Variants in C11orf65 observed in about 807,000 individuals in gnomAD.
The protein encoded by C11orf65 is protein MFI.
C11orf65 carries 38 observed loss-of-function variants against 35.3 expected under a neutral mutation model. The ratio of observed to expected loss-of-function variants is 1.08; its 90% CI spans 0.83 to 1.41. C11orf65 has a LOEUF of 1.41. C11orf65 is among the 40% of genes most tolerant of loss of function. C11orf65 has a pLI of 0.00. For synonymous variants in C11orf65, 105 were observed against 114.4 expected, an observed-to-expected ratio of 0.92 and a Z score of 0.53; for missense variants, 370 against 367.1, an observed-to-expected ratio of 1.01 and a Z score of -0.06.
rs2091354575 is a variant in C11orf65, at chr11:108,366,768, T to G, written c.226+26440A>C. 1.3e-5 allele frequency: 3 copies of G among 230,698 alleles called. No homozygotes were observed. In the South Asian group the frequency reaches 5.4e-4, roughly 42 times the overall value. 14.3% of individuals were successfully genotyped at this position (230,698 alleles called of 1,614,324 possible). ...TGTGCTAGTGGGCAGAATATTTGAT[T>G]GATGCCTTTTTCACTGAGAGTATAA... On this transcript the variant is annotated intron_variant, in intron 2 of 3. Transcript: ENST00000524755.
At chr11:108,379,905 T>C (rs1333330953), downstream of C11orf65, among the ~76,000 whole-genome samples, 1 of 152,148 alleles carries the variant, frequency 6.6e-6, no homozygotes, top group Non-Finnish European at 1.5e-5. Flanking sequence ...ATTTGACAGA[T>C]TTCATGGGGG....
rs10588668 is a variant in C11orf65 at position 108,430,897 on chromosome 11, A to AAC, written c.174+847_174+848dup. ...AAACCCAAAACCCATAAGGATAGGG[A>AAC]ACACACACACACACACACACACACA... On this transcript the variant is annotated intron_variant, in intron 3 of 8. Transcript: ENST00000393084. Among the ~76,000 whole-genome samples, 9 of 143,822 alleles carry AAC rather than the reference A, an allele frequency of 6.3e-5. No homozygotes were observed. The South Asian group carries it at 9.4e-4, about 15-fold the overall frequency. The allele number at this position is 143,822 out of a possible 152,430, so 94.4% of individuals were successfully genotyped here.
At chr11:108,448,044 T>C (rs11212645) in intron 2 of C11orf65, among the ~76,000 whole-genome samples, 34,035 of 151,970 alleles carry the variant, frequency 0.22, 4,869 homozygotes, top group African/African-American at 0.4. Flanking sequence ...AAGAAATGGA[T>C]AAATTCCTTG....
chr11:108,316,874 C>T (rs1305899528), intron 6 of C11orf65, among the ~76,000 whole-genome samples: 7 of 151,592 alleles, frequency 4.6e-5, no homozygotes, highest in African/African-American at 1.5e-4. Flanking sequence ...TGCAGTGAGC[C>T]GAGATCGCGC....
chr11:108,467,900 C>T (rs2093557756), upstream of C11orf65, among the ~76,000 whole-genome samples: 1 of 152,148 alleles, frequency 6.6e-6, no homozygotes, highest in African/African-American at 2.4e-5. Flanking sequence ...TCTCGGCTCA[C>T]TGCAGCCTGG....
intron 3 of C11orf65, among the ~76,000 whole-genome samples, chr11:108,428,836 C>T (rs567644401): frequency 1.1e-4 from 16 of 152,138 alleles, no homozygotes; most frequent in African/African-American, 3.6e-4. Flanking sequence ...AACAAAAATA[C>T]CAAAAAACGA....
chr11:108,459,547 A>G (rs546482556), intron 2 of C11orf65, among the ~76,000 whole-genome samples: 90 of 152,176 alleles, frequency 5.9e-4, no homozygotes, highest in Non-Finnish European at 8.7e-4. Flanking sequence ...AAATGTGTCT[A>G]GGCAAGTGTT....
intron 2 of C11orf65, chr11:108,366,033 A>G (rs1376008437): frequency 5.9e-6 from 1 of 168,410 alleles, no homozygotes; most frequent in East Asian, 1.1e-4. Context: ...CCATCTCAAA[A>G]AAAAAAAAAA....
At chr11:108,349,962 G>A (rs1471869671) in intron 2 of C11orf65, among the ~76,000 whole-genome samples, 1 of 152,144 alleles carries the variant, frequency 6.6e-6, no homozygotes, top group Non-Finnish European at 1.5e-5. Flanking sequence ...AGAGGAAGGA[G>A]TATGAGGGAA....
intron 3 of C11orf65, among the ~76,000 whole-genome samples, chr11:108,422,153 C>A (rs1285831910): frequency 6.6e-6 from 1 of 152,130 alleles, no homozygotes; most frequent in African/African-American, 2.4e-5. Context: ...TGGTCTCGAA[C>A]TCCTGACCTC....
In C11orf65 at chr11:108,407,631, T is replaced by A. The variant is rs558081684; in HGVS notation, c.175-482A>T. Reference sequence around the variant, plus strand: ...CACTGTGCTCAGCCATTAAAAAAAATTTTTTTTTTGTAATTAGAAAATATT... The same window carrying A: ...CACTGTGCTCAGCCATTAAAAAAAAATTTTTTTTTGTAATTAGAAAATATT... On this transcript the variant is annotated intron_variant, in intron 3 of 8. Transcript: ENST00000393084. 5.9e-4 allele frequency among the ~76,000 whole-genome samples: 89 copies of A among 150,058 alleles called. No individual in the cohort carries two copies. The East Asian group carries it at 9.2e-3, about 15-fold the overall frequency.
rs138596748 is a variant in C11orf65 at position 108,385,934 on chromosome 11, G to C, written c.773C>G (p.Ser258Trp). Residue 258 changes from serine (S) to tryptophan (W), a missense_variant, in exon 8 of 9, where the codon TCG becomes TGG. Ser to Trp is a radical substitution (Grantham distance 177). Coordinates refer to ENST00000393084, the MANE Select transcript of C11orf65 (RefSeq NM_152587.5). ...SWKEIATSNS[S>W]ANFKGFRFNQ... The stretch of plus-strand genomic sequence containing the variant: ...AAATCACCTACCTTTGAAGTTAGCC[G>C]AAGAGTTGCTTGTAGCAATTTCCTT... 6.2e-6 allele frequency: 10 copies of C among 1,613,758 alleles called. No individual in the cohort carries two copies. Among genetic ancestry groups the C allele is most frequent in the Middle Eastern group, 1.7e-4 (1 of 6,060 alleles).
At chr11:108,329,193 A>T (rs1360453074), downstream of C11orf65, 1 of 1,613,968 alleles carries the variant, frequency 6.2e-7, no homozygotes, top group Non-Finnish European at 8.5e-7. Context: ...AAAAGAGCCA[A>T]AGAGGAAGTA....
rs1064793041 is a variant in C11orf65 at position 108,321,438 on chromosome 11, CTT to C, written c.641-12369_641-12368del. ...TTCTCAAGGTATGTAATTCGTATGA[CTT>C]TGTTATCCTAAAGTGCAGCTTTTCT... On this transcript the variant is annotated intron_variant, in intron 6 of 6. Coordinates refer to the C11orf65 transcript ENST00000525729. The C allele has an allele frequency of 6.2e-7, 1 of 1,613,772 alleles. No individual in the cohort carries two copies. Among genetic ancestry groups the C allele is most frequent in the African/African-American group, 1.3e-5 (1 of 74,882 alleles).
At position 108,445,688 on chromosome 11, in the gene C11orf65, A is replaced by C. The variant is rs545193882; in HGVS notation, c.82-13850T>G. On this transcript the variant is annotated intron_variant, in intron 2 of 8. Transcript: ENST00000393084. ...AGATGGGGAAAAAACAGAGCAGAAA[A>C]ACTGGAAACTCTAAAAAGCAGAGCA... Among the ~76,000 whole-genome samples the C allele has an allele frequency of 2.0e-4, 30 of 152,238 alleles. 1 individual carries two copies. In the East Asian group the frequency reaches 5.8e-3, roughly 29 times the overall value.
intron 2 of C11orf65, among the ~76,000 whole-genome samples, chr11:108,345,082 T>C (rs1044502614): frequency 2.6e-5 from 4 of 151,986 alleles, no homozygotes; most frequent in African/African-American, 9.7e-5. Context: ...GGGTAGATGG[T>C]GAAGCTCTTT....
chr11:108,327,392 T>A (rs4988109), downstream of C11orf65: 605 of 429,062 alleles, frequency 1.4e-3, 4 homozygotes, highest in African/African-American at 0.011. Flanking sequence ...TTACAAAGTG[T>A]CTGACATATA....
chr11:108,448,640 T>C (rs1292025943), intron 2 of C11orf65, among the ~76,000 whole-genome samples: 2 of 152,242 alleles, frequency 1.3e-5, no homozygotes, highest in Admixed American at 1.3e-4. Context: ...TATCTCAAAA[T>C]AATAAGAGAT....
chr11:108,320,067 A>C lies in C11orf65; in HGVS notation c.641-10996T>G, dbSNP rs771531015. 5 of 1,558,926 alleles carry C rather than the reference A, an allele frequency of 3.2e-6. No individual in the cohort carries two copies. In the South Asian group the frequency reaches 5.6e-5, roughly 17 times the overall value. ...AGTCTCAAATATGCCAGGTATTATG[A>C]AAAGACAAAGTTACTGTATTTTAAC... On this transcript the variant is annotated intron_variant, in intron 6 of 6. Coordinates refer to the C11orf65 transcript ENST00000525729.
Sources: gnomAD v4.1 joint callset for allele counts (sites outside exome capture counted in the v4.1 genomes callset) on GRCh38, gnomAD v4.1.1 for gene constraint, MANE v1.5 for transcripts, NCBI Gene and HGNC (gene_info 2026-07-23, HGNC 2026-07-21) for gene names.